NFYC: variants seen among roughly 807,000 people sequenced by gnomAD.
NFYC encodes the protein CAAT box DNA-binding protein subunit C.
NFYC carries 25 observed loss-of-function variants against 53.1 expected under a neutral mutation model. The observed-to-expected ratio is 0.47, with a 90% CI of 0.34 to 0.66. The LOEUF (loss-of-function observed/expected upper bound fraction) is 0.66. Among genes scored for constraint, NFYC ranks in the 30% least tolerant of loss-of-function variants. The pLI is 0.01. For missense variants in NFYC, 260 were observed against 422.7 expected, an observed-to-expected ratio of 0.62 and a Z score of 3.38; for synonymous variants, 145 against 152.6, an observed-to-expected ratio of 0.95 and a Z score of 0.37.
intron 8 of NFYC, among the ~76,000 whole-genome samples, chr1:40,767,810 C>T (rs1019118525): frequency 6.6e-6 from 1 of 152,028 alleles, no homozygotes; most frequent in African/African-American, 2.4e-5. Context: ...AAAACCGTTT[C>T]CACTAAAAAT....
At chr1:40,713,133 G>A (rs1240263396) in intron 1 of NFYC, among the ~76,000 whole-genome samples, 1 of 152,178 alleles carries the variant, frequency 6.6e-6, no homozygotes, top group Non-Finnish European at 1.5e-5. Flanking sequence ...GGAAACTCAT[G>A]GGGGTTTCTT....
At chr1:40,758,458 T>C in intron 6 of NFYC, 164 bp downstream of exon 6, 1 of 744,126 alleles carries the variant, frequency 1.3e-6, no homozygotes, top group Non-Finnish European at 2.1e-6. Context: ...TGGGGTGAGA[T>C]GTTACCCTAA....
intron 1 of NFYC, among the ~76,000 whole-genome samples, chr1:40,726,107 TTGTGTG>T (rs34878179): frequency 9.8e-6 from 1 of 101,882 alleles, no homozygotes; most frequent in African/African-American, 2.9e-5. Flanking sequence ...GTGTATGTGT[TTGTGTG>T]TGTGTGTGTG....
At position 40,702,638 on chromosome 1, in the gene NFYC, G is replaced by A. The variant is rs567336423; in HGVS notation, c.-9+10771G>A. Among the ~76,000 whole-genome samples, 15 of 152,050 alleles carry A rather than the reference G, an allele frequency of 9.9e-5. 1 individual carries two copies. Among genetic ancestry groups the A allele is most frequent in the African/African-American group, 2.4e-4 (10 of 41,466 alleles). On this transcript the variant is annotated intron_variant, in intron 1 of 9. Coordinates refer to ENST00000447388, the MANE Select transcript of NFYC (RefSeq NM_014223.5). ...ATTACAGGTGTGAACCACCGCACCC[G>A]GCCTATCTTCAGAACTTCTATCAGA... is the stretch of plus-strand genomic sequence containing the variant.
intron 7 of NFYC, among the ~76,000 whole-genome samples, chr1:40,763,765 G>A (rs1557927025): frequency 6.6e-6 from 1 of 152,086 alleles, no homozygotes; most frequent in South Asian, 2.1e-4. Context: ...TTTAATCTAG[G>A]TTCAGGTTCA....
chr1:40,769,559 T>C, intron 9 of NFYC, 144 bp downstream of exon 9: 2 of 700,048 alleles, frequency 2.9e-6, no homozygotes, highest in Non-Finnish European at 5.1e-6. Flanking sequence ...AAGTACGGTA[T>C]TTAAATCAGG....
chr1:40,728,994 G>A (rs1028686896), intron 1 of NFYC, among the ~76,000 whole-genome samples: 1 of 152,180 alleles, frequency 6.6e-6, no homozygotes, highest in Admixed American at 6.5e-5. Flanking sequence ...ATTTTCAAAG[G>A]AATCTTTTTT....
chr1:40,744,231 C>G (rs753989332), intron 2 of NFYC, among the ~76,000 whole-genome samples: 2 of 152,220 alleles, frequency 1.3e-5, no homozygotes, highest in African/African-American at 4.8e-5. Context: ...TTATGAGAAT[C>G]TAATGCCCAC....
intron 1 of NFYC, among the ~76,000 whole-genome samples, chr1:40,711,385 A>G (rs554298241): frequency 1.3e-5 from 2 of 152,250 alleles, no homozygotes; most frequent in South Asian, 4.2e-4. Flanking sequence ...CAGTTGTTCC[A>G]GATTATATAT....
At chr1:40,695,204 C>T (rs1486661631) in intron 1 of NFYC, among the ~76,000 whole-genome samples, 1 of 151,936 alleles carries the variant, frequency 6.6e-6, no homozygotes, top group African/African-American at 2.4e-5. Context: ...GTGTCACTGC[C>T]CTCCAGTCTG....
chr1:40,699,992 T>C (rs935966669), intron 1 of NFYC, among the ~76,000 whole-genome samples: 3 of 152,230 alleles, frequency 2.0e-5, no homozygotes, highest in African/African-American at 7.2e-5. Context: ...GACCGCTGTT[T>C]GTGAGAACAC....
intron 8 of NFYC, chr1:40,767,055 C>A: frequency 1.5e-6 from 2 of 1,332,292 alleles, no homozygotes; most frequent in Non-Finnish European, 1.1e-6. Flanking sequence ...ACCCAAGTGG[C>A]TGTTGTGTTC....
intron 1 of NFYC, among the ~76,000 whole-genome samples, chr1:40,693,177 A>G (rs1285332542): frequency 1.3e-5 from 2 of 152,220 alleles, no homozygotes; most frequent in Non-Finnish European, 2.9e-5. Flanking sequence ...TCCAAACCAA[A>G]AAAAAGCCCA....
intron 1 of NFYC, among the ~76,000 whole-genome samples, chr1:40,693,030 G>A (rs1341069393): frequency 6.6e-6 from 1 of 152,140 alleles, no homozygotes; most frequent in Non-Finnish European, 1.5e-5. Context: ...AGTAAATATT[G>A]TTAGGTTCCC....
chr1:40,705,341 C>G (rs564447851), intron 1 of NFYC, among the ~76,000 whole-genome samples: 1 of 151,492 alleles, frequency 6.6e-6, no homozygotes, highest in African/African-American at 2.4e-5. Context: ...CTGACTGGCC[C>G]TCAGGTGTTC....
At chr1:40,761,207 C>T (rs752308698) in intron 6 of NFYC, among the ~76,000 whole-genome samples, 1 of 152,162 alleles carries the variant, frequency 6.6e-6, no homozygotes, top group Non-Finnish European at 1.5e-5. Context: ...TTTTAGTCAG[C>T]GAGAATTTCA....
At chr1:40,706,496 T>A (rs1643698035) in intron 1 of NFYC, among the ~76,000 whole-genome samples, 1 of 152,024 alleles carries the variant, frequency 6.6e-6, no homozygotes, top group South Asian at 2.1e-4. Context: ...TCATGTATGG[T>A]CAAATGAGGA....
Position 40,771,303 on chromosome 1 carries a change from T to C in NFYC, c.*475T>C. On this transcript the variant is annotated 3_prime_UTR_variant, in exon 10 of 10. Transcript: ENST00000447388. ...CTGCCCTCAGATGGAATTAGGTGAA[T>C]GTGTGTAGCTGCTTTTTCACTCGTG... is the stretch of plus-strand genomic sequence containing the variant. 1 of 368,092 alleles carries C rather than the reference T, an allele frequency of 2.7e-6. No individual in the cohort carries two copies. Among genetic ancestry groups the C allele is most frequent in the Non-Finnish European group, 5.6e-6 (1 of 179,640 alleles). 22.8% of individuals were successfully genotyped at this position (368,092 alleles called of 1,614,324 possible).
intron 1 of NFYC, among the ~76,000 whole-genome samples, chr1:40,718,911 C>A (rs552452799): frequency 6.6e-6 from 1 of 152,192 alleles, no homozygotes; most frequent in South Asian, 2.1e-4. Context: ...CTTGCTCTGT[C>A]GCCAGGCTGG....
Sources: gnomAD v4.1 joint callset for allele counts (sites outside exome capture counted in the v4.1 genomes callset) on GRCh38, gnomAD v4.1.1 for gene constraint, MANE v1.5 for transcripts, NCBI Gene and HGNC (gene_info 2026-07-23, HGNC 2026-07-21) for gene names.